DPP10: variants seen among roughly 807,000 people sequenced by gnomAD.
DPP10 encodes the protein inactive dipeptidyl peptidase 10.
Under a neutral mutation model 120.9 loss-of-function variants are expected in DPP10, and 33 were observed. The observed-to-expected ratio is 0.27, with a 90% CI of 0.21 to 0.37. The LOEUF (loss-of-function observed/expected upper bound fraction) is 0.37, where lower values mean the gene tolerates loss of function less well. Ranked by LOEUF, DPP10 falls within the 10% of genes least tolerant of loss-of-function variation. The probability of loss-of-function intolerance (pLI) is 1.00; values close to 1 mark genes in which losing one functional copy is unlikely to be tolerated. For missense variants in DPP10, 816 were observed against 942.8 expected (o/e 0.87, Z 1.76); for synonymous variants, 337 against 326.1 (o/e 1.03, Z -0.36).
At chr2:114,557,454 C>T (rs1201327259) in intron 1 of DPP10, among the ~76,000 whole-genome samples, 1 of 152,148 alleles carries the variant, frequency 6.6e-6, no homozygotes, top group Admixed American at 6.5e-5. Context: ...GACCAACACG[C>T]CATCTTTCCA....
At chr2:115,099,800 T>G (rs1015018251) in intron 1 of DPP10, among the ~76,000 whole-genome samples, 4 of 152,204 alleles carry the variant, frequency 2.6e-5, no homozygotes, top group African/African-American at 7.2e-5. Flanking sequence ...ACAAGGATCT[T>G]CTTTTGCTCT....
chr2:114,897,147 A>T (rs1183494610), intron 1 of DPP10, among the ~76,000 whole-genome samples: 1 of 152,172 alleles, frequency 6.6e-6, no homozygotes, highest in African/African-American at 2.4e-5. Flanking sequence ...CCAGTATTTT[A>T]TTGAGGATTT....
chr2:114,572,835 A>G (rs1056158610), intron 1 of DPP10, among the ~76,000 whole-genome samples: 2 of 152,220 alleles, frequency 1.3e-5, no homozygotes, highest in Non-Finnish European at 2.9e-5. Context: ...GGTCATGCTG[A>G]GATTCATATC....
At chr2:115,107,069 T>G (rs975914270) in intron 1 of DPP10, among the ~76,000 whole-genome samples, 1 of 149,058 alleles carries the variant, frequency 6.7e-6, no homozygotes, top group Non-Finnish European at 1.5e-5. Context: ...AGCTAGGCTC[T>G]GTCTCAAAAA....
At position 115,258,757 on chromosome 2, in the gene DPP10, C is replaced by T. The variant is rs2105733009; in HGVS notation, c.61-50482C>T. ...ATGAGGGCATCTCTACTACTTAGGG[C>T]ACACTGGCATGCTCCTGTAGTCCCA... On this transcript the variant is annotated intron_variant, in intron 1 of 25. Coordinates refer to ENST00000410059, the MANE Select transcript of DPP10 (RefSeq NM_020868.6). 2.0e-5 allele frequency among the ~76,000 whole-genome samples: 3 copies of T among 152,130 alleles called. No individual in the cohort carries two copies. The South Asian group carries it at 6.2e-4, about 32-fold the overall frequency.
intron 7 of DPP10, among the ~76,000 whole-genome samples, chr2:115,703,652 A>G (rs983407283): frequency 2.6e-5 from 4 of 152,024 alleles, no homozygotes; most frequent in African/African-American, 9.7e-5. Flanking sequence ...GCTAAGGACC[A>G]TCCATATTAT....
At chr2:115,172,815 G>A (rs1017069128) in intron 1 of DPP10, among the ~76,000 whole-genome samples, 1 of 152,160 alleles carries the variant, frequency 6.6e-6, no homozygotes, top group African/African-American at 2.4e-5. Flanking sequence ...AAACTATGTT[G>A]GATGTTGAAG....
intron 21 of DPP10, among the ~76,000 whole-genome samples, chr2:115,826,106 G>A (rs1688284313): frequency 6.6e-6 from 1 of 152,158 alleles, no homozygotes; most frequent in Non-Finnish European, 1.5e-5. Context: ...GGCCTGTTTG[G>A]GAAATTAGGC....
intron 5 of DPP10, among the ~76,000 whole-genome samples, chr2:115,675,350 T>TA (rs922292572): frequency 1.5e-4 from 23 of 151,380 alleles, no homozygotes; most frequent in Non-Finnish European, 2.7e-4. Flanking sequence ...ATGGATGCTT[T>TA]AAAAAAAAAT....
chr2:115,126,956 T>C (rs983306548), intron 1 of DPP10, among the ~76,000 whole-genome samples: 1 of 152,190 alleles, frequency 6.6e-6, no homozygotes, highest in African/African-American at 2.4e-5. Flanking sequence ...TTTTTTGAAA[T>C]TCTATAGACT....
intron 19 of DPP10, among the ~76,000 whole-genome samples, chr2:115,798,610 T>C (rs908821262): frequency 2.6e-5 from 4 of 152,138 alleles, no homozygotes; most frequent in African/African-American, 9.6e-5. Flanking sequence ...AACATACATA[T>C]ATTTTTGAGC....
chr2:115,423,700 T>C (rs980277574), intron 3 of DPP10, among the ~76,000 whole-genome samples: 2 of 152,144 alleles, frequency 1.3e-5, no homozygotes, highest in African/African-American at 4.8e-5. Flanking sequence ...AATATCATAA[T>C]GTCTCAATGT....
chr2:115,057,337 C>CA (rs1161380746), intron 1 of DPP10, among the ~76,000 whole-genome samples: 3 of 152,070 alleles, frequency 2.0e-5, no homozygotes, highest in South Asian at 4.1e-4. Context: ...TTATAGATGA[C>CA]AAAAATATTT....
chr2:115,215,766 C>T (rs556444361), intron 1 of DPP10, among the ~76,000 whole-genome samples: 19 of 152,140 alleles, frequency 1.2e-4, no homozygotes, highest in Non-Finnish European at 2.2e-4. Context: ...TGGGTATCCA[C>T]CCCCACAGAA....
At chr2:115,322,952 T>C (rs1377163977) in intron 2 of DPP10, among the ~76,000 whole-genome samples, 1 of 152,206 alleles carries the variant, frequency 6.6e-6, no homozygotes, top group Non-Finnish European at 1.5e-5. Flanking sequence ...CTTTCCTTGA[T>C]GTTGATGACT....
intron 1 of DPP10, among the ~76,000 whole-genome samples, chr2:114,543,339 T>A (rs375115018): frequency 6.6e-6 from 1 of 152,182 alleles, no homozygotes; most frequent in Non-Finnish European, 1.5e-5. Context: ...AGGGGCTAAT[T>A]TCCAACATTG....
At chr2:114,690,623 G>A (rs62165217) in intron 1 of DPP10, among the ~76,000 whole-genome samples, 2,696 of 152,172 alleles carry the variant, frequency 0.018, 46 homozygotes, top group Non-Finnish European at 0.028. Context: ...TGTGAAGAAT[G>A]TAAATGGTAG....
intron 1 of DPP10, among the ~76,000 whole-genome samples, chr2:115,067,166 G>T (rs1459739963): frequency 1.3e-5 from 2 of 152,068 alleles, no homozygotes; most frequent in East Asian, 3.9e-4. Context: ...TTGTCTTTCT[G>T]TCCCTAGCTT....
Position 114,591,554 on chromosome 2 carries a change from A to ATTTTTTTTTTT in DPP10, c.60+148724_60+148734dup, listed in dbSNP as rs70937292. On this transcript the variant is annotated intron_variant, in intron 1 of 25. Coordinates refer to ENST00000410059, the MANE Select transcript of DPP10 (RefSeq NM_020868.6). Reference sequence around the variant, plus strand: ...CTCAGAATGTACCCAACCTCTTCCTATTTTTTTTTTTTTTTTTTGAGATGG... The same window carrying ATTTTTTTTTTT: ...CTCAGAATGTACCCAACCTCTTCCTATTTTTTTTTTTTTTTTTTTTTTTTTTTTTGAGATGG... Among the ~76,000 whole-genome samples, 537 of 124,484 alleles carry ATTTTTTTTTTT rather than the reference A, an allele frequency of 4.3e-3. 23 individuals carry two copies. The highest frequency in any genetic ancestry group is 0.014 in the African/African-American group (453 of 31,608). 81.7% of individuals were successfully genotyped at this position (124,484 alleles called of 152,430 possible).
Sources: allele counts gnomAD v4.1 joint callset (sites outside exome capture counted in the v4.1 genomes callset), GRCh38; gene constraint gnomAD v4.1.1; transcripts MANE v1.5; gene names NCBI Gene and HGNC (gene_info 2026-07-23, HGNC 2026-07-21).